SLC16A13: variants seen among roughly 807,000 people sequenced by gnomAD.
SLC16A13 encodes solute carrier family 16 member 13.
Under a neutral mutation model 28.1 loss-of-function variants are expected in SLC16A13, and 28 were observed. The observed-to-expected ratio is 1.00, with a 90% CI of 0.74 to 1.37. The LOEUF is 1.37. Among genes scored for constraint, SLC16A13 ranks in the 40% most tolerant of loss-of-function variants. The probability of loss-of-function intolerance (pLI) is 0.00; values close to 1 mark genes in which losing one functional copy is unlikely to be tolerated. For missense variants in SLC16A13, 482 were observed against 531.8 expected, an observed-to-expected ratio of 0.91 and a Z score of 0.92; for synonymous variants, 228 against 241.6, an observed-to-expected ratio of 0.94 and a Z score of 0.52.
In SLC16A13 at chr17:7,038,438, C is replaced by T; in HGVS notation, c.630C>T (p.Leu210=). ...GTCCCAGGGCCCAACTCACCTCTCT[C>T]CTCCATCATGGCCCCTTCCTCCGTT... The part of the protein sequence containing the change: ...VGGPRAQLTS[L]LHHGPFLRYT... The change falls in exon 3 of 4, where the codon CTC becomes CTT. Residue 210 remains leucine (L), a synonymous_variant. Transcript: ENST00000308027. This position sits in a 1 kb window ranked among gnomAD's most constrained non-coding sequence, Gnocchi z 5.7. 6.2e-7 allele frequency: 1 copy of T among 1,613,950 alleles called. No individual in the cohort carries two copies. The highest frequency in any genetic ancestry group is 8.5e-7 in the Non-Finnish European group (1 of 1,179,874).
Position 7,038,280 on chromosome 17 carries a change from T to A in SLC16A13, c.472T>A (p.Phe158Ile). The A allele has an allele frequency of 6.2e-7, 1 of 1,613,958 alleles. No individual in the cohort carries two copies. Among genetic ancestry groups the A allele is most frequent in the Non-Finnish European group, 8.5e-7 (1 of 1,180,020 alleles). Residue 158 changes from phenylalanine (F) to isoleucine (I), a missense_variant, in exon 3 of 4, where the codon TTT (phenylalanine) becomes ATT (isoleucine). Physicochemically the swap from Phe to Ile is conservative, Grantham distance 21. Transcript: ENST00000308027. This position sits in a 1 kb window ranked among gnomAD's most constrained non-coding sequence, Gnocchi z 5.7. ...CCTCTCCTCCTTCACATTTGCCCCC[T>A]TTTTCCAGTGGCTGCTCAGCCACTA... is the stretch of plus-strand genomic sequence containing the variant. ...VGLSSFTFAP[F>I]FQWLLSHYAW...
chr17:7,036,335 C>G lies in SLC16A13; in HGVS notation c.-48C>G. 6.4e-7 allele frequency: 1 copy of G among 1,554,556 alleles called. No homozygotes were observed. The highest frequency in any genetic ancestry group is 8.7e-7 in the Non-Finnish European group (1 of 1,150,926). ...TGTGCAGAGGTGCGGCGTCCAGAAC[C>G]CGGCTCCTGCAGAGGCTCTGGGTGG... On this transcript the variant is annotated 5_prime_UTR_variant, in exon 1 of 4. Transcript: ENST00000308027.
Position 7,038,831 on chromosome 17 carries a change from C to T in SLC16A13, c.1023C>T (p.Gly341=), listed in dbSNP as rs746588516. 14 of 1,613,816 alleles carry T rather than the reference C, an allele frequency of 8.7e-6. No homozygotes were observed. The highest frequency in any genetic ancestry group is 1.2e-5 in the Non-Finnish European group (14 of 1,179,970). ...ELIGTRRIYC[G]LGLLQMIESI... ...TAGGGACTAGAAGGATTTACTGTGG[C>T]CTGGGACTGTTGCAGATGATAGAGA... Residue 341 remains glycine (G), a synonymous_variant, in exon 3 of 4, where the codon GGC becomes GGT. Coordinates refer to ENST00000308027, the MANE Select transcript of SLC16A13 (RefSeq NM_201566.3). This position sits in a 1 kb window ranked among gnomAD's most constrained non-coding sequence, Gnocchi z 5.7.
In SLC16A13 at chr17:7,038,403, G is replaced by A; in HGVS notation, c.595G>A (p.Ala199Thr). Residue 199 changes from alanine to threonine, a missense_variant, in exon 3 of 4, where the codon GCT becomes ACT. Ala to Thr is a moderately conservative substitution (Grantham distance 58). Transcript: ENST00000308027. The surrounding 1 kb of genome is among the most constrained non-coding windows in gnomAD (Gnocchi z 5.7). ...LRPPSLAEDP[A>T]VGGPRAQLTS... ...CCCACCCTCCCTGGCTGAGGACCCTGCTGTGGGTGGTCCCAGGGCCCAACT... is the reference window on the plus strand; with the variant it reads ...CCCACCCTCCCTGGCTGAGGACCCTACTGTGGGTGGTCCCAGGGCCCAACT... 6.2e-7 allele frequency: 1 copy of A among 1,614,058 alleles called. No homozygotes were observed. Among genetic ancestry groups the A allele is most frequent in the Non-Finnish European group, 8.5e-7 (1 of 1,179,968 alleles).
intron 1 of SLC16A13, 48 bp downstream of exon 1, chr17:7,036,629 A>C: frequency 6.2e-7 from 1 of 1,609,676 alleles, no homozygotes; most frequent in Non-Finnish European, 8.5e-7. Context: ...CGGAAGGGAG[A>C]GGGAATGCGG....
In SLC16A13 at chr17:7,039,806, G is replaced by A; in HGVS notation, c.1125G>A (p.Val375=). The change falls in exon 4 of 4, where the codon GTG becomes GTA. Residue 375 remains valine (V), a synonymous_variant. Transcript: ENST00000308027. The surrounding 1 kb of genome is among the most constrained non-coding windows in gnomAD (Gnocchi z 4.3). The stretch of plus-strand genomic sequence containing the variant: ...CAGGCAACTACACGGCTTCTTTTGT[G>A]GTGGCTGGGGCCTTCCTTCTTTCAG... ...DVTGNYTASF[V]VAGAFLLSGS... 6.2e-7 allele frequency: 1 copy of A among 1,614,196 alleles called. No individual in the cohort carries two copies. The highest frequency in any genetic ancestry group is 8.5e-7 in the Non-Finnish European group (1 of 1,180,042).
rs139041380 is a variant in SLC16A13 at position 7,038,331 on chromosome 17, G to C, written c.523G>C (p.Val175Leu). 54 of 1,613,936 alleles carry C rather than the reference G, an allele frequency of 3.3e-5. No individual in the cohort carries two copies. In the African/African-American group the frequency reaches 4.3e-4, roughly 13 times the overall value. The change falls in exon 3 of 4, where the codon GTG becomes CTG. Residue 175 changes from valine (V) to leucine (L), a missense_variant. Coordinates refer to ENST00000308027, the MANE Select transcript of SLC16A13 (RefSeq NM_201566.3). The surrounding 1 kb of genome is among the most constrained non-coding windows in gnomAD (Gnocchi z 5.7). ...HYAWRGSLLL[V>L]SALSLHLVAC... The stretch of plus-strand genomic sequence containing the variant: ...CGCCTGGAGGGGGTCCCTGCTGCTG[G>C]TGTCTGCCCTCTCCCTCCACCTAGT...
Position 7,036,427 on chromosome 17 carries a change from G to T in SLC16A13, c.45G>T (p.Val15=). 6.2e-7 allele frequency: 1 copy of T among 1,612,238 alleles called. No homozygotes were observed. Among genetic ancestry groups the T allele is most frequent in the East Asian group, 2.2e-5 (1 of 44,882 alleles). The change falls in exon 1 of 4, where the codon GTG becomes GTT. Residue 15 remains valine, a synonymous_variant. Coordinates refer to ENST00000308027, the MANE Select transcript of SLC16A13 (RefSeq NM_201566.3). ...CCCCCGACGGGGGCTGGGGATGGGT[G>T]GTGGTGCTCTCAGCGTTCTTCCAGT... ...TEPPDGGWGW[V]VVLSAFFQSA...
Position 7,036,325 on chromosome 17 carries a change from C to G in SLC16A13, c.-58C>G. 1 of 1,522,888 alleles carries G rather than the reference C, an allele frequency of 6.6e-7. No homozygotes were observed. The highest frequency in any genetic ancestry group is 1.2e-5 in the South Asian group (1 of 80,668). 94.3% of individuals were successfully genotyped at this position (1,522,888 alleles called of 1,614,324 possible). A position where few individuals can be genotyped will look rare whatever the true frequency, so the allele number is the denominator to read the frequency against. ...CGGGGGTGGGTGTGCAGAGGTGCGG[C>G]GTCCAGAACCCGGCTCCTGCAGAGG... On this transcript the variant is annotated 5_prime_UTR_variant, in exon 1 of 4. Coordinates refer to ENST00000308027, the MANE Select transcript of SLC16A13 (RefSeq NM_201566.3).
intron 2 of SLC16A13, among the ~76,000 whole-genome samples, 190 bp from the exon 3 acceptor site, chr17:7,037,962 A>C (rs1910626577): frequency 6.6e-6 from 1 of 152,162 alleles, no homozygotes; most frequent in Non-Finnish European, 1.5e-5. Flanking sequence ...TGCAGTTGAG[A>C]AGGTTGAGGC....
Position 7,040,073 on chromosome 17 carries a change from C to T in SLC16A13, c.*111C>T. The T allele has an allele frequency of 1.0e-6, 1 of 985,466 alleles. No individual in the cohort carries two copies. Among genetic ancestry groups the T allele is most frequent in the Non-Finnish European group, 1.5e-6 (1 of 659,296 alleles). The allele number at this position is 985,466 out of a possible 1,614,324, so 61.0% of individuals were successfully genotyped here. ...GCCTTAAGATTCTTGATCTGCCTCC[C>T]CCTAGAGCAGGCCTGGGGCTCCTGC... On this transcript the variant is annotated 3_prime_UTR_variant, in exon 4 of 4. Coordinates refer to ENST00000308027, the MANE Select transcript of SLC16A13 (RefSeq NM_201566.3).
intron 2 of SLC16A13, chr17:7,037,137 G>A (rs1471193469): frequency 3.7e-5 from 11 of 293,602 alleles, no homozygotes; most frequent in Non-Finnish European, 7.2e-5. Flanking sequence ...GGATCACGAG[G>A]TCAGGAGTTT....
Position 7,036,142 on chromosome 17 carries a change from C to G in SLC16A13, c.-241C>G. ...TAGCTCAGCTCCGAGCTCGCGGAAC[C>G]ACGCCCCCGGGAGACTCTGGCCCGG... is the stretch of plus-strand genomic sequence containing the variant. On this transcript the variant is annotated 5_prime_UTR_variant, in exon 1 of 4. Transcript: ENST00000308027. The G allele has an allele frequency of 2.1e-6, 1 of 468,412 alleles. No individual in the cohort carries two copies. Among genetic ancestry groups the G allele is most frequent in the East Asian group, 3.4e-5 (1 of 29,808 alleles). The allele number at this position is 468,412 out of a possible 1,614,324, so 29.0% of individuals were successfully genotyped here. A position where few individuals can be genotyped will look rare whatever the true frequency, so the allele number is the denominator to read the frequency against.
In SLC16A13 at chr17:7,039,385, G is replaced by A. The variant is rs979061632; in HGVS notation, c.1082-378G>A. On this transcript the variant is annotated intron_variant, in intron 3 of 3. Coordinates refer to ENST00000308027, the MANE Select transcript of SLC16A13 (RefSeq NM_201566.3). This position sits in a 1 kb window ranked among gnomAD's most constrained non-coding sequence, Gnocchi z 4.3. ...TGAGGCAGGAGAATGGCATGAACCC[G>A]GGAGGCGGAGCTTGCAGTGAGCTGA... Among the ~76,000 whole-genome samples the A allele has an allele frequency of 6.6e-6, 1 of 151,998 alleles. No homozygotes were observed. The highest frequency in any genetic ancestry group is 2.4e-5 in the African/African-American group (1 of 41,368).
At chr17:7,036,944 A>G in intron 2 of SLC16A13, 74 bp downstream of exon 2, 1 of 1,563,736 alleles carries the variant, frequency 6.4e-7, no homozygotes. Flanking sequence ...TGCTCCTTCC[A>G]AAGGGTTCGG....
chr17:7,039,728 C>A lies in SLC16A13; in HGVS notation c.1082-35C>A. On this transcript the variant is annotated intron_variant, in intron 3 of 3. Coordinates refer to ENST00000308027, the MANE Select transcript of SLC16A13 (RefSeq NM_201566.3). The surrounding 1 kb of genome is among the most constrained non-coding windows in gnomAD (Gnocchi z 4.3). The stretch of plus-strand genomic sequence containing the variant: ...GAGCCCTCAGCCCCAGCAAATAGAT[C>A]ACTCATGTGTATTCTTTTTCTCTCT... The A allele has an allele frequency of 6.2e-7, 1 of 1,607,938 alleles. No homozygotes were observed. The highest frequency in any genetic ancestry group is 8.5e-7 in the Non-Finnish European group (1 of 1,174,856).
chr17:7,036,468 G>C lies in SLC16A13; in HGVS notation c.86G>C (p.Gly29Ala), dbSNP rs918215511. 1.2e-6 allele frequency: 2 copies of C among 1,612,242 alleles called. No homozygotes were observed. Among genetic ancestry groups the C allele is most frequent in the African/African-American group, 1.3e-5 (1 of 74,872 alleles). ...TTCTTCCAGTCGGCGCTTGTGTTTG[G>C]GGTGCTCCGCTCCTTTGGGGTCTTC... ...SAFFQSALVF[G>A]VLRSFGVFFV... is the part of the protein sequence containing the mutation. The change falls in exon 1 of 4, where the codon GGG (glycine) becomes GCG (alanine). Residue 29 changes from glycine to alanine, a missense_variant. Physicochemically the swap from Gly to Ala is moderately conservative, Grantham distance 60 (BLOSUM62 0). Transcript: ENST00000308027.
At chr17:7,037,013 A>G in intron 2 of SLC16A13, 143 bp downstream of exon 2, 1 of 1,046,780 alleles carries the variant, frequency 9.6e-7, no homozygotes, top group Non-Finnish European at 1.4e-6. Context: ...TCTTAATAGG[A>G]ATGACTAAAG....
intron 2 of SLC16A13, among the ~76,000 whole-genome samples, chr17:7,037,725 CAA>C (rs74493369): frequency 2.7e-4 from 36 of 135,268 alleles, no homozygotes; most frequent in South Asian, 4.5e-4. Flanking sequence ...GACTCCGTCT[CAA>C]AAAAAAAAAA....
Sources: allele counts gnomAD v4.1 joint callset (sites outside exome capture counted in the v4.1 genomes callset), GRCh38; gene constraint gnomAD v4.1.1; non-coding constraint Gnocchi (gnomAD v3.1); transcripts MANE v1.5; gene names NCBI Gene and HGNC (gene_info 2026-07-23, HGNC 2026-07-21).